Variants in TBC1D24 observed in about 807,000 individuals in gnomAD.
TBC1D24 encodes Infantile myoclonic epilepsy.
In TBC1D24, 47 loss-of-function variants were observed where a neutral mutation model predicts 50.7. The ratio of observed to expected loss-of-function variants is 0.93; its 90% confidence interval spans 0.73 to 1.18. The LOEUF is 1.18. TBC1D24 is among the 50% of genes most tolerant of loss of function. The probability of loss-of-function intolerance (pLI) is 0.00; values close to 1 mark genes in which losing one functional copy is unlikely to be tolerated. For missense variants in TBC1D24, 688 were observed against 766.5 expected, an observed-to-expected ratio of 0.90 and a Z score of 1.21; for synonymous variants, 324 against 335.2, an observed-to-expected ratio of 0.97 and a Z score of 0.36.
chr16:2,495,392 T>A (rs1275496279), intron 1 of TBC1D24, among the ~76,000 whole-genome samples: 2 of 152,068 alleles, frequency 1.3e-5, no homozygotes, highest in Admixed American at 6.5e-5. Context: ...ATGCCTGTAA[T>A]CCCAACATTT....
Position 2,496,998 on chromosome 16 carries a change from A to G in TBC1D24, c.850A>G (p.Lys284Glu), listed in dbSNP as rs1379268716. 1.9e-6 allele frequency: 3 copies of G among 1,613,962 alleles called. No homozygotes were observed. The highest frequency in any genetic ancestry group is 2.5e-6 in the Non-Finnish European group (3 of 1,180,036). ...CATCGCGAAGACGGTGTCCCCTGAG[A>G]AGCTGCTGGAGAAAGCGTTCGCCAT... The part of the protein sequence containing the change: ...RDIAKTVSPE[K>E]LLEKAFAIRL... Residue 284 changes from lysine to glutamate, a missense_variant, in exon 2 of 8, where the codon AAG becomes GAG. Transcript: ENST00000646147.
At position 2,499,778 on chromosome 16, in the gene TBC1D24, G is replaced by A; in HGVS notation, c.1207-57G>A. ...GGGACAGGCCCGTCAGTAGTCTGGA[G>A]CACAGGGACGCTCCTGGGGGCCTGC... On this transcript the variant is annotated intron_variant, in intron 5 of 7. Transcript: ENST00000646147. This position sits in a 1 kb window ranked among gnomAD's most constrained non-coding sequence, Gnocchi z 4.0. 1 of 1,480,238 alleles carries A rather than the reference G, an allele frequency of 6.8e-7. No individual in the cohort carries two copies. The highest frequency in any genetic ancestry group is 9.5e-7 in the Non-Finnish European group (1 of 1,058,018). The allele number at this position is 1,480,238 out of a possible 1,614,324, so 91.7% of individuals were successfully genotyped here.
In TBC1D24 at chr16:2,504,894, A is replaced by G. The variant is rs760410070; in HGVS notation, c.*3936A>G. The G allele has an allele frequency of 2.0e-4, 31 of 152,336 alleles. No homozygotes were observed. Among genetic ancestry groups the G allele is most frequent in the Admixed American group, 9.2e-4 (14 of 15,296 alleles). The allele number at this position is 152,336 out of a possible 1,614,324, so 9.4% of individuals were successfully genotyped here. A position where few individuals can be genotyped will look rare whatever the true frequency, so the allele number is the denominator to read the frequency against. On this transcript the variant is annotated 3_prime_UTR_variant, in exon 8 of 8. Transcript: ENST00000646147. ...GCACCTGCCTCAAATTTGGGTTCATATAGATTTTTTTCCTCCCTTTTTGTG... is the reference window on the plus strand; with the variant it reads ...GCACCTGCCTCAAATTTGGGTTCATGTAGATTTTTTTCCTCCCTTTTTGTG...
At position 2,501,876 on chromosome 16, in the gene TBC1D24, C is replaced by T. The variant is rs2065797321; in HGVS notation, c.*918C>T. ...AGCTCCCCTCCCTTCCAGCCCAGGCCTCCTTGAGCTCCTGTAGCCTCTGCA... is the reference window on the plus strand; with the variant it reads ...AGCTCCCCTCCCTTCCAGCCCAGGCTTCCTTGAGCTCCTGTAGCCTCTGCA... On this transcript the variant is annotated 3_prime_UTR_variant, in exon 8 of 8. Transcript: ENST00000646147. 2 of 152,642 alleles carry T rather than the reference C, an allele frequency of 1.3e-5. No homozygotes were observed. Among genetic ancestry groups the T allele is most frequent in the South Asian group, 2.1e-4 (1 of 4,836 alleles). The allele number at this position is 152,642 out of a possible 1,614,324, so 9.5% of individuals were successfully genotyped here. A position where few individuals can be genotyped will look rare whatever the true frequency, so the allele number is the denominator to read the frequency against.
In TBC1D24 at chr16:2,482,106, G is replaced by C. The variant is rs1157249425; in HGVS notation, c.-116+6936G>C. The C allele has an allele frequency of 3.9e-5, 6 of 152,296 alleles. No homozygotes were observed. The highest frequency in any genetic ancestry group is 1.4e-4 in the African/African-American group (6 of 41,478). 9.4% of individuals were successfully genotyped at this position (152,296 alleles called of 1,614,324 possible). ...ATGCCTGCAGGAAAGGTCACACCTA[G>C]GGTGGGTGGACTAGTAATGCTCCCT... On this transcript the variant is annotated intron_variant, in intron 1 of 7. Transcript: ENST00000646147. The surrounding 1 kb of genome is among the most constrained non-coding windows in gnomAD (Gnocchi z 5.2).
chr16:2,491,673 G>C (rs549960868), intron 1 of TBC1D24, among the ~76,000 whole-genome samples: 1 of 151,636 alleles, frequency 6.6e-6, no homozygotes, highest in Admixed American at 6.6e-5. Flanking sequence ...TCCTGCCTCA[G>C]CCTCCCACGT....
chr16:2,499,471 G>A lies in TBC1D24; in HGVS notation c.1206+51G>A. The A allele has an allele frequency of 6.6e-7, 1 of 1,523,072 alleles. No homozygotes were observed. Among genetic ancestry groups the A allele is most frequent in the African/African-American group, 1.4e-5 (1 of 73,318 alleles). 94.3% of individuals were successfully genotyped at this position (1,523,072 alleles called of 1,614,324 possible). A position where few individuals can be genotyped will look rare whatever the true frequency, so the allele number is the denominator to read the frequency against. On this transcript the variant is annotated intron_variant, in intron 5 of 7. Coordinates refer to ENST00000646147, the MANE Select transcript of TBC1D24 (RefSeq NM_001199107.2). This position sits in a 1 kb window ranked among gnomAD's most constrained non-coding sequence, Gnocchi z 4.0. ...CTGGCTCTGATGGGCTCCAGGGCTG[G>A]CTCTGATGGGCTCCAGGGCTGGCTC...
In TBC1D24 at chr16:2,501,058, C is replaced by A; in HGVS notation, c.*100C>A. On this transcript the variant is annotated 3_prime_UTR_variant, in exon 8 of 8. Transcript: ENST00000646147. ...GCAGATGAAACCCCCATGTGGTAGGCAGGGTTGGGGGACGGCAGGACCCCA... is the reference window on the plus strand; with the variant it reads ...GCAGATGAAACCCCCATGTGGTAGGAAGGGTTGGGGGACGGCAGGACCCCA... 2 of 1,499,560 alleles carry A rather than the reference C, an allele frequency of 1.3e-6. No individual in the cohort carries two copies. The highest frequency in any genetic ancestry group is 1.8e-6 in the Non-Finnish European group (2 of 1,104,712). The allele number at this position is 1,499,560 out of a possible 1,614,324, so 92.9% of individuals were successfully genotyped here. A position where few individuals can be genotyped will look rare whatever the true frequency, so the allele number is the denominator to read the frequency against.
At position 2,502,728 on chromosome 16, in the gene TBC1D24, G is replaced by C. The variant is rs185300327; in HGVS notation, c.*1770G>C. 1.3e-5 allele frequency: 2 copies of C among 152,950 alleles called. No individual in the cohort carries two copies. The highest frequency in any genetic ancestry group is 2.4e-5 in the African/African-American group (1 of 41,436). The allele number at this position is 152,950 out of a possible 1,614,324, so 9.5% of individuals were successfully genotyped here. The stretch of plus-strand genomic sequence containing the variant: ...GGGGGATGGGGTGAATCCCTCTCAC[G>C]GGGAGAGGTATGGGAGGGAAGTCGC... On this transcript the variant is annotated 3_prime_UTR_variant, in exon 8 of 8. Transcript: ENST00000646147.
At chr16:2,489,768 G>A (rs2065681295) in intron 1 of TBC1D24, among the ~76,000 whole-genome samples, 1 of 152,202 alleles carries the variant, frequency 6.6e-6, no homozygotes, top group African/African-American at 2.4e-5. Flanking sequence ...CTAGCACCTG[G>A]CCTGGGACCC....
rs1228887065 is a variant in TBC1D24, at chr16:2,499,894, G to A, written c.1266G>A (p.Leu422=). ...WSERNKFGGK[L]GFFGTGECFV... ...AGAGAAATAAGTTTGGAGGCAAACT[G>A]GGCTTCTTTGGGACCGGAGAATGCT... Residue 422 remains leucine (L), a synonymous_variant, in exon 6 of 8, where the codon CTG becomes CTA. Transcript: ENST00000646147. This position sits in a 1 kb window ranked among gnomAD's most constrained non-coding sequence, Gnocchi z 4.0. 6.2e-7 allele frequency: 1 copy of A among 1,614,090 alleles called. No homozygotes were observed. The highest frequency in any genetic ancestry group is 8.5e-7 in the Non-Finnish European group (1 of 1,180,002).
chr16:2,487,503 T>C lies in TBC1D24; in HGVS notation c.-115-8531T>C, dbSNP rs1006497188. ...TTCTGTCTTTGTACATGAAAGAGAGTTTGTTTTCAAATCCGGTTGTTTGGG... is the reference window on the plus strand; with the variant it reads ...TTCTGTCTTTGTACATGAAAGAGAGCTTGTTTTCAAATCCGGTTGTTTGGG... On this transcript the variant is annotated intron_variant, in intron 1 of 7. Transcript: ENST00000646147. This position sits in a 1 kb window ranked among gnomAD's most constrained non-coding sequence, Gnocchi z 4.1. Among the ~76,000 whole-genome samples, 1 of 152,172 alleles carries C rather than the reference T, an allele frequency of 6.6e-6. No individual in the cohort carries two copies. Among genetic ancestry groups the C allele is most frequent in the African/African-American group, 2.4e-5 (1 of 41,444 alleles).
chr16:2,495,954 A>T, intron 1 of TBC1D24, 80 bp from the exon 2 acceptor site: 1 of 719,458 alleles, frequency 1.4e-6, no homozygotes, highest in Non-Finnish European at 2.2e-6. Flanking sequence ...AAAGAAAACT[A>T]CACCACATTT....
At chr16:2,495,561 CA>C (rs2065729978) in intron 1 of TBC1D24, among the ~76,000 whole-genome samples, 1 of 152,112 alleles carries the variant, frequency 6.6e-6, no homozygotes, top group African/African-American at 2.4e-5. Flanking sequence ...AGGCACATCA[CA>C]AGGTCAGGAG....
In TBC1D24 at chr16:2,496,408, G is replaced by A. The variant is rs1339406468; in HGVS notation, c.260G>A (p.Ser87Asn). Reference protein sequence around the residue: ...IVGKIVGKHSSSCLPLPEFVD... With the variant: ...IVGKIVGKHSNSCLPLPEFVD... The stretch of plus-strand genomic sequence containing the variant: ...GGCAAGATCGTGGGCAAGCACAGCA[G>A]CAGCTGCCTGCCGCTGCCCGAGTTC... The change falls in exon 2 of 8, where the codon AGC becomes AAC. Residue 87 changes from serine to asparagine, a missense_variant. Transcript: ENST00000646147. 6.2e-7 allele frequency: 1 copy of A among 1,613,078 alleles called. No homozygotes were observed. The highest frequency in any genetic ancestry group is 8.5e-7 in the Non-Finnish European group (1 of 1,179,978).
rs1233792618 is a variant in TBC1D24 at position 2,486,390 on chromosome 16, C to A, written c.-115-9644C>A. 2.0e-5 allele frequency among the ~76,000 whole-genome samples: 3 copies of A among 152,232 alleles called. No homozygotes were observed. Among genetic ancestry groups the A allele is most frequent in the Admixed American group, 2.0e-4 (3 of 15,282 alleles). On this transcript the variant is annotated intron_variant, in intron 1 of 7. Transcript: ENST00000646147. This position sits in a 1 kb window ranked among gnomAD's most constrained non-coding sequence, Gnocchi z 5.8. ...ACCAGATGGGAAGAAGTGAGACGAG[C>A]GGCAGCTGACGCCCATGCCCTGTTC... is the stretch of plus-strand genomic sequence containing the variant.
Position 2,501,151 on chromosome 16 carries a change from T to A in TBC1D24, c.*193T>A. ...TGGGGTTTGGGCTGGGCTTCCCCAGTCCACCTGCATCTGGGTCAGAGCTGG... is the reference window on the plus strand; with the variant it reads ...TGGGGTTTGGGCTGGGCTTCCCCAGACCACCTGCATCTGGGTCAGAGCTGG... On this transcript the variant is annotated 3_prime_UTR_variant, in exon 8 of 8. Transcript: ENST00000646147. 1.5e-6 allele frequency: 1 copy of A among 671,586 alleles called. No individual in the cohort carries two copies. Among genetic ancestry groups the A allele is most frequent in the Non-Finnish European group, 2.5e-6 (1 of 398,832 alleles). 41.6% of individuals were successfully genotyped at this position (671,586 alleles called of 1,614,324 possible).
chr16:2,498,115 G>C, intron 3 of TBC1D24, 123 bp from the exon 4 acceptor site: 1 of 1,324,378 alleles, frequency 7.6e-7, no homozygotes, highest in African/African-American at 1.5e-5. Flanking sequence ...AACCGGGGCC[G>C]GGGCAAGCAG....
chr16:2,485,896 G>A lies in TBC1D24; in HGVS notation c.-115-10138G>A, dbSNP rs1433373196. ...AGGCCCTCTCAGCCACCCCCACACC[G>A]TCCCTACCATTCCCACCTGGCCCGC... On this transcript the variant is annotated intron_variant, in intron 1 of 7. Transcript: ENST00000646147. The surrounding 1 kb of genome is among the most constrained non-coding windows in gnomAD (Gnocchi z 4.6). Among the ~76,000 whole-genome samples the A allele has an allele frequency of 3.3e-5, 5 of 152,150 alleles. No individual in the cohort carries two copies. Among genetic ancestry groups the A allele is most frequent in the East Asian group, 1.9e-4 (1 of 5,194 alleles).
Sources: allele counts gnomAD v4.1 joint callset (sites outside exome capture counted in the v4.1 genomes callset), GRCh38; gene constraint gnomAD v4.1.1; non-coding constraint Gnocchi (gnomAD v3.1); transcripts MANE v1.5; gene names NCBI Gene and HGNC (gene_info 2026-07-23, HGNC 2026-07-21).